The following HDAC9 variants were observed in gnomAD, a reference collection of about 807,000 sequenced individuals.
HDAC9 encodes MEF-2 interacting transcription repressor (MITR) protein.
HDAC9 carries 41 observed loss-of-function variants against 139.4 expected under a neutral mutation model. The ratio of observed to expected loss-of-function variants is 0.29; its 90% CI spans 0.23 to 0.38. The LOEUF (loss-of-function observed/expected upper bound fraction) is 0.38, where lower values mean the gene tolerates loss of function less well. Ranked by LOEUF, HDAC9 falls within the 10% of genes least tolerant of loss-of-function variation. The pLI is 1.00. For missense variants in HDAC9, 1,147 were observed against 1,297.0 expected (o/e 0.88, Z 1.78); for synonymous variants, 517 against 476.2 (o/e 1.09, Z -1.12).
At chr7:18,716,366 C>G (rs936120798) in intron 12 of HDAC9, among the ~76,000 whole-genome samples, 1 of 152,122 alleles carries the variant, frequency 6.6e-6, no homozygotes, top group African/African-American at 2.4e-5. Flanking sequence ...GTTTTCTTTA[C>G]TTTTCTATTG....
chr7:18,576,404 G>A (rs1034028057), intron 2 of HDAC9, among the ~76,000 whole-genome samples: 1 of 152,128 alleles, frequency 6.6e-6, no homozygotes, highest in Non-Finnish European at 1.5e-5. Flanking sequence ...ACTCATCCCT[G>A]TAATCCCAGC....
intron 1 of HDAC9, among the ~76,000 whole-genome samples, chr7:18,101,126 C>T (rs1782830979): frequency 6.6e-6 from 1 of 152,138 alleles, no homozygotes; most frequent in South Asian, 2.1e-4. Context: ...GCTGAATATT[C>T]AAGGGGGGAG....
intron 1 of HDAC9, chr7:18,458,993 C>T (rs1793599811): frequency 2.1e-6 from 2 of 939,868 alleles, no homozygotes; most frequent in Non-Finnish European, 3.3e-6. Flanking sequence ...TTGGTCAAAG[C>T]TGCGGTCAGC....
At chr7:18,209,707 CTTTTTTTTTT>C (rs570706146) in intron 2 of HDAC9, among the ~76,000 whole-genome samples, 1 of 145,682 alleles carries the variant, frequency 6.9e-6, no homozygotes, top group Non-Finnish European at 1.5e-5. Context: ...GTACTTTTTT[CTTTTTTTTTT>C]TGAGACAGAG....
intron 25 of HDAC9, among the ~76,000 whole-genome samples, chr7:18,979,695 C>T (rs1784771705): frequency 6.6e-6 from 1 of 152,100 alleles, no homozygotes; most frequent in South Asian, 2.1e-4. Context: ...CCTCAGGAAG[C>T]TTAAAATCAT....
intron 2 of HDAC9, among the ~76,000 whole-genome samples, chr7:18,516,334 T>C (rs1268336197): frequency 1.3e-5 from 2 of 152,174 alleles, no homozygotes; most frequent in South Asian, 2.1e-4. Context: ...CCATAGAAAA[T>C]GTAATTTGGA....
At chr7:18,643,155 G>A (rs1446106824) in intron 8 of HDAC9, among the ~76,000 whole-genome samples, 1 of 151,978 alleles carries the variant, frequency 6.6e-6, no homozygotes, top group Admixed American at 6.6e-5. Flanking sequence ...TTCGTGAAAA[G>A]CTTATTATTT....
intron 12 of HDAC9, among the ~76,000 whole-genome samples, chr7:18,726,104 A>C (rs555623282): frequency 6.6e-6 from 1 of 152,360 alleles, no homozygotes; most frequent in South Asian, 2.1e-4. Flanking sequence ...TCTGTAATTA[A>C]ATCTATATTT....
intron 2 of HDAC9, among the ~76,000 whole-genome samples, chr7:18,250,127 T>G (rs1794824912): frequency 6.6e-6 from 1 of 152,174 alleles, no homozygotes; most frequent in South Asian, 2.1e-4. Flanking sequence ...GATATGATAC[T>G]CGTATAAAGA....
intron 22 of HDAC9, among the ~76,000 whole-genome samples, chr7:18,889,685 G>T (rs906292722): frequency 6.6e-6 from 1 of 152,048 alleles, no homozygotes; most frequent in African/African-American, 2.4e-5. Flanking sequence ...CAACACATGG[G>T]TCTGCCACTT....
chr7:18,638,040 G>T (rs990143407), intron 8 of HDAC9, among the ~76,000 whole-genome samples: 17 of 151,890 alleles, frequency 1.1e-4, no homozygotes, highest in Admixed American at 8.5e-4. Context: ...ATATTTTGGG[G>T]GTATGAATTA....
chr7:18,339,257 T>A (rs935228425), intron 1 of HDAC9, among the ~76,000 whole-genome samples: 3 of 151,418 alleles, frequency 2.0e-5, no homozygotes, highest in Non-Finnish European at 4.4e-5. Context: ...TACTTTCTAT[T>A]TTACTGATTT....
intron 2 of HDAC9, among the ~76,000 whole-genome samples, chr7:18,188,313 T>G (rs1448503924): frequency 6.6e-6 from 1 of 151,910 alleles, no homozygotes; most frequent in Non-Finnish European, 1.5e-5. Flanking sequence ...AAATTGAAAC[T>G]GGACCCCTTC....
chr7:18,622,611 C>T (rs774241430), intron 6 of HDAC9, among the ~76,000 whole-genome samples: 2 of 151,790 alleles, frequency 1.3e-5, no homozygotes, highest in African/African-American at 4.8e-5. Context: ...TGTGAGCCAC[C>T]GTGCCCGGCC....
intron 1 of HDAC9, among the ~76,000 whole-genome samples, chr7:18,406,313 A>G (rs1787997757): frequency 6.6e-6 from 1 of 152,122 alleles, no homozygotes; most frequent in Admixed American, 6.5e-5. Flanking sequence ...GTTTTTTGCA[A>G]TTACTTTTAA....
At chr7:18,987,661 C>G (rs906491985) in intron 25 of HDAC9, among the ~76,000 whole-genome samples, 6 of 152,072 alleles carry the variant, frequency 3.9e-5, no homozygotes, top group African/African-American at 1.4e-4. Flanking sequence ...CCTCCTTGTA[C>G]CTCTGGTAGA....
chr7:18,140,988 G>A (rs991379894), intron 1 of HDAC9, among the ~76,000 whole-genome samples: 57 of 151,128 alleles, frequency 3.8e-4, no homozygotes, highest in African/African-American at 1.3e-3. Context: ...TTCTCAATGA[G>A]CAGCATTTTT....
chr7:18,161,335 C>G (rs1487074874), intron 1 of HDAC9, among the ~76,000 whole-genome samples: 2 of 152,054 alleles, frequency 1.3e-5, no homozygotes, highest in Admixed American at 6.6e-5. Flanking sequence ...ATAACACTTT[C>G]AAAATAGTGA....
At chr7:18,701,050 C>T (rs561603327) in intron 12 of HDAC9, among the ~76,000 whole-genome samples, 27 of 152,138 alleles carry the variant, frequency 1.8e-4, no homozygotes, top group African/African-American at 6.3e-4. Context: ...TGGACAGATA[C>T]AGGACCAAAT....
Sources: gnomAD v4.1 joint callset for allele counts (sites outside exome capture counted in the v4.1 genomes callset) on GRCh38, gnomAD v4.1.1 for gene constraint, MANE v1.5 for transcripts, NCBI Gene and HGNC (gene_info 2026-07-23, HGNC 2026-07-21) for gene names.